The following TRIM10 variants were observed in gnomAD, a reference collection of about 807,000 sequenced individuals.
TRIM10 encodes tripartite motif containing 10, also known as tripartite motif-containing protein 10.
A neutral mutation model predicts 40.0 loss-of-function variants in TRIM10; 42 were observed. The observed-to-expected ratio is 1.05, with a 90% CI of 0.82 to 1.36. TRIM10 has a LOEUF of 1.36. Among genes scored for constraint, TRIM10 ranks in the 40% most tolerant of loss-of-function variants. The pLI is 0.00. For synonymous variants in TRIM10, 260 were observed against 239.5 expected, an observed-to-expected ratio of 1.09 and a Z score of -0.79; for missense variants, 601 against 608.3, an observed-to-expected ratio of 0.99 and a Z score of 0.13.
At chr6:30,162,929 T>TAAAA (rs1455120736), upstream of TRIM10, among the ~76,000 whole-genome samples, 1 of 128,882 alleles carries the variant, frequency 7.8e-6, no homozygotes, top group Non-Finnish European at 1.7e-5. Flanking sequence ...CCCGCTACAG[T>TAAAA]AAAAATAAAT....
At chr6:30,163,998 G>T (rs1268131769), upstream of TRIM10, 2 of 1,613,122 alleles carry the variant, frequency 1.2e-6, no homozygotes, top group Non-Finnish European at 1.7e-6. Context: ...TGTGTGTTCT[G>T]CAGGGAGGGT....
chr6:30,158,320 G>T (rs1468323511), intron 3 of TRIM10, 79 bp downstream of exon 3: 2 of 1,219,938 alleles, frequency 1.6e-6, no homozygotes, highest in Non-Finnish European at 2.4e-6. Flanking sequence ...GTGAGTCAGG[G>T]AGACATGGCT....
Position 30,161,028 on chromosome 6 carries a change from G to T in TRIM10, c.-170C>A, listed in dbSNP as rs891593210. 5.9e-6 allele frequency: 4 copies of T among 677,856 alleles called. No individual in the cohort carries two copies. Among genetic ancestry groups the T allele is most frequent in the Non-Finnish European group, 9.8e-6 (4 of 409,756 alleles). 42.0% of individuals were successfully genotyped at this position (677,856 alleles called of 1,614,324 possible). A position where few individuals can be genotyped will look rare whatever the true frequency, so the allele number is the denominator to read the frequency against. Reference sequence around the variant, plus strand: ...CACACTTGCATCTCTGGCAGCCAGGGTTCTATTCTCCTGCCAACAGCAGAG... The same window carrying T: ...CACACTTGCATCTCTGGCAGCCAGGTTTCTATTCTCCTGCCAACAGCAGAG... On this transcript the variant is annotated 5_prime_UTR_variant, in exon 1 of 7. Coordinates refer to ENST00000449742, the MANE Select transcript of TRIM10 (RefSeq NM_006778.4).
At chr6:30,163,735 C>T, upstream of TRIM10, 1 of 1,612,954 alleles carries the variant, frequency 6.2e-7, no homozygotes, top group Non-Finnish European at 8.5e-7. Context: ...CTGCCTGTAC[C>T]CTCTGTGCGG....
chr6:30,155,626 T>C (rs1772462472), intron 6 of TRIM10, 101 bp downstream of exon 6: 2 of 1,035,026 alleles, frequency 1.9e-6, no homozygotes, highest in South Asian at 2.9e-5. Context: ...TTGTTATGAC[T>C]ATTGTCATAG....
chr6:30,158,975 T>A (rs186252086), intron 2 of TRIM10, among the ~76,000 whole-genome samples, 175 bp downstream of exon 2: 1 of 152,340 alleles, frequency 6.6e-6, no homozygotes, highest in Admixed American at 6.5e-5. Context: ...TTACTCTCCA[T>A]TTTACAGATA....
rs1355567317 is a variant in TRIM10, at chr6:30,152,682, G to A, written c.*1287C>T. 1.3e-5 allele frequency: 2 copies of A among 151,892 alleles called. No individual in the cohort carries two copies. The highest frequency in any genetic ancestry group is 4.8e-5 in the African/African-American group (2 of 41,364). The allele number at this position is 151,892 out of a possible 1,614,324, so 9.4% of individuals were successfully genotyped here. A position where few individuals can be genotyped will look rare whatever the true frequency, so the allele number is the denominator to read the frequency against. Reference sequence around the variant, plus strand: ...ATGACAGAGCATTGTAGTTTACACTGAGCAGAGTAAACAGATGATGTTAAG... The same window carrying A: ...ATGACAGAGCATTGTAGTTTACACTAAGCAGAGTAAACAGATGATGTTAAG... On this transcript the variant is annotated 3_prime_UTR_variant, in exon 7 of 7. Transcript: ENST00000449742.
At chr6:30,161,419 C>T (rs750517775), upstream of TRIM10, among the ~76,000 whole-genome samples, 19 of 152,288 alleles carry the variant, frequency 1.2e-4, no homozygotes, top group Non-Finnish European at 2.5e-4. Context: ...ATGGTGATGC[C>T]TCAACTGGCC....
Position 30,154,212 on chromosome 6 carries a change from C to G in TRIM10, c.1203G>C (p.Gly401=), listed in dbSNP as rs1271656261. ...CCCAAGCCAGCCTCACAGCCCACAC[C>G]CCCTCCTCTGGCCGCAGCCGAAGCT... ...KGELRLRPEE[G]VWAVRLAWGF... The change falls in exon 7 of 7, where the codon GGG becomes GGC. Residue 401 remains glycine (G), a synonymous_variant. Transcript: ENST00000449742. The G allele has an allele frequency of 6.2e-7, 1 of 1,612,708 alleles. No homozygotes were observed. Among genetic ancestry groups the G allele is most frequent in the Non-Finnish European group, 8.5e-7 (1 of 1,179,828 alleles).
rs145478650 is a variant in TRIM10, at chr6:30,160,702, C to A, written c.157G>T (p.Glu53Ter). The A allele has an allele frequency of 1.2e-6, 2 of 1,614,120 alleles. No individual in the cohort carries two copies. Among genetic ancestry groups the A allele is most frequent in the African/African-American group, 2.7e-5 (2 of 74,938 alleles). ...YCEIPGPDLE[E>*]SPTCPLCKEP... Reference sequence around the variant, plus strand: ...TTGCAGAGTGGGCAAGTAGGGGACTCCTCCAGGTCTGGGCCTGGTATCTCA... The same window carrying A: ...TTGCAGAGTGGGCAAGTAGGGGACTACTCCAGGTCTGGGCCTGGTATCTCA... The change falls in exon 1 of 7, where the codon GAG becomes TAG. Residue 53 changes from glutamate (E) to a stop codon, truncating the protein, a stop_gained. Coordinates refer to ENST00000449742, the MANE Select transcript of TRIM10 (RefSeq NM_006778.4). LOFTEE classifies it high-confidence loss of function.
Position 30,153,961 on chromosome 6 carries a change from G to C in TRIM10, c.*8C>G, listed in dbSNP as rs762837556. The C allele has an allele frequency of 3.0e-5, 47 of 1,589,768 alleles. No homozygotes were observed. The African/African-American group carries it at 3.6e-4, about 12-fold the overall frequency. On this transcript the variant is annotated 3_prime_UTR_variant, in exon 7 of 7. Coordinates refer to ENST00000449742, the MANE Select transcript of TRIM10 (RefSeq NM_006778.4). ...TGTACTTAGAGGAGAGTAGGTAACT[G>C]CTCCTTCTCAGGAGCTCAGGGAGAA...
chr6:30,162,299 A>AAAAGAG (rs1773179529), upstream of TRIM10, among the ~76,000 whole-genome samples: 2 of 151,912 alleles, frequency 1.3e-5, no homozygotes, highest in Admixed American at 6.6e-5. Flanking sequence ...AAGAAAAGAA[A>AAAAGAG]AAAGAGAAAA....
rs375531529 is a variant in TRIM10, at chr6:30,157,035, G to A, written c.799C>T (p.Arg267Trp). 2.5e-5 allele frequency: 40 copies of A among 1,612,880 alleles called. No individual in the cohort carries two copies. The highest frequency in any genetic ancestry group is 6.7e-5 in the Admixed American group (4 of 59,992). ...TLIRCETRKC[R>W]KPVAVSPELG... ...TCTGGCGACACAGCCACCGGTTTCC[G>A]GCACTTTCTGGTTTCACATCTAGGG... The change falls in exon 5 of 7, where the codon CGG becomes TGG. Residue 267 changes from arginine (R) to tryptophan (W), a missense_variant. Physicochemically the swap from Arg to Trp is moderately radical, Grantham distance 101 (BLOSUM62 -3). Transcript: ENST00000449742.
chr6:30,161,413 T>C (rs913075972), upstream of TRIM10, among the ~76,000 whole-genome samples: 7 of 152,124 alleles, frequency 4.6e-5, no homozygotes, highest in Non-Finnish European at 1.0e-4. Flanking sequence ...ACTTCAATGG[T>C]GATGCCTCAA....
rs754395030 is a variant in TRIM10, at chr6:30,157,006, C to A, written c.828G>T (p.Leu276=). ...CRKPVAVSPE[L]GQRIRDFPQQ... is the part of the protein sequence containing the mutation. The stretch of plus-strand genomic sequence containing the variant: ...GGGGAAAGTCCCGAATCCTCTGGCC[C>A]AGCTCTGGCGACACAGCCACCGGTT... Residue 276 remains leucine (L), a synonymous_variant, in exon 5 of 7, where the codon CTG becomes CTT. Coordinates refer to ENST00000449742, the MANE Select transcript of TRIM10 (RefSeq NM_006778.4). 2 of 1,613,078 alleles carry A rather than the reference C, an allele frequency of 1.2e-6. No individual in the cohort carries two copies. The highest frequency in any genetic ancestry group is 2.2e-5 in the East Asian group (1 of 44,882).
intron 1 of TRIM10, 39 bp downstream of exon 1, chr6:30,160,391 T>C: frequency 6.3e-7 from 1 of 1,592,346 alleles, no homozygotes; most frequent in Non-Finnish European, 8.6e-7. Flanking sequence ...CTTAGTCCAG[T>C]CCAGTCCACC....
intron 4 of TRIM10, 141 bp from the exon 5 acceptor site, chr6:30,157,195 CA>C: frequency 9.0e-7 from 1 of 1,116,804 alleles, no homozygotes; most frequent in Non-Finnish European, 1.3e-6. Context: ...TCCCACTGCC[CA>C]TTTTTGGGCA....
At chr6:30,163,541 C>CGTCT, upstream of TRIM10, 2 of 1,080,818 alleles carry the variant, frequency 1.9e-6, no homozygotes, top group Non-Finnish European at 1.3e-6. Flanking sequence ...GGCATTCTTG[C>CGTCT]CTCTCTCTCT....
In TRIM10 at chr6:30,160,691, A is replaced by G. The variant is rs769839325; in HGVS notation, c.168T>C (p.Thr56=). The G allele has an allele frequency of 5.0e-6, 8 of 1,614,226 alleles. No homozygotes were observed. Among genetic ancestry groups the G allele is most frequent in the South Asian group, 4.4e-5 (4 of 91,092 alleles). The change falls in exon 1 of 7, where the codon ACT becomes ACC. Residue 56 remains threonine, a synonymous_variant. Coordinates refer to ENST00000449742, the MANE Select transcript of TRIM10 (RefSeq NM_006778.4). ...IPGPDLEESP[T]CPLCKEPFRP... ...GGAAGGGTTCTTTGCAGAGTGGGCA[A>G]GTAGGGGACTCCTCCAGGTCTGGGC...
Sources: allele counts gnomAD v4.1 joint callset (sites outside exome capture counted in the v4.1 genomes callset), GRCh38; gene constraint gnomAD v4.1.1; transcripts MANE v1.5; gene names NCBI Gene and HGNC (gene_info 2026-07-23, HGNC 2026-07-21).